DLEC1: variants seen among roughly 807,000 people sequenced by gnomAD.
DLEC1 encodes the protein deleted in lung and esophageal cancer protein 1.
In DLEC1, 146 loss-of-function variants were observed where a neutral mutation model predicts 198.1. The observed-to-expected ratio is 0.74, with a 90% CI of 0.64 to 0.85. The LOEUF (loss-of-function observed/expected upper bound fraction) is 0.85. Ranked by LOEUF, DLEC1 falls within the 40% of genes least tolerant of loss-of-function variation. DLEC1 has a pLI of 0.00. For synonymous variants in DLEC1, 897 were observed against 866.8 expected (o/e 1.03, Z -0.61); for missense variants, 2,233 against 2,220.0 (o/e 1.01, Z -0.12).
chr3:38,079,220 C>A (rs1350452011), intron 6 of DLEC1, among the ~76,000 whole-genome samples: 2 of 152,028 alleles, frequency 1.3e-5, no homozygotes, highest in Non-Finnish European at 2.9e-5. Flanking sequence ...GTCAGGGAAG[C>A]AGATAATTTA....
chr3:38,075,415 G>C (rs1697555881), intron 6 of DLEC1, among the ~76,000 whole-genome samples: 1 of 152,122 alleles, frequency 6.6e-6, no homozygotes, highest in Non-Finnish European at 1.5e-5. Context: ...AAGAAAATAA[G>C]GCATTTAGGT....
intron 6 of DLEC1, among the ~76,000 whole-genome samples, chr3:38,079,178 C>T (rs1406238088): frequency 1.3e-5 from 2 of 152,022 alleles, no homozygotes; most frequent in African/African-American, 4.8e-5. Context: ...GGAAGAAGGG[C>T]AGCAATGAGA....
At chr3:38,118,165 C>T (rs1441096861) in intron 33 of DLEC1, 141 bp downstream of exon 33, 10 of 915,738 alleles carry the variant, frequency 1.1e-5, no homozygotes, top group African/African-American at 1.0e-4. Context: ...CATGAACACT[C>T]GGGGGTGCAC....
intron 3 of DLEC1, among the ~76,000 whole-genome samples, chr3:38,061,089 T>A (rs958803016): frequency 6.6e-6 from 1 of 152,214 alleles, no homozygotes; most frequent in African/African-American, 2.4e-5. Context: ...TGCTAAGAGA[T>A]TTGTGATGGT....
chr3:38,108,948 G>A (rs1699714398), intron 21 of DLEC1, among the ~76,000 whole-genome samples: 1 of 152,224 alleles, frequency 6.6e-6, no homozygotes. Flanking sequence ...CTCAGTCATA[G>A]GGCCGTTCCT....
chr3:38,053,681 C>G (rs1054842139), intron 2 of DLEC1, among the ~76,000 whole-genome samples: 1 of 148,878 alleles, frequency 6.7e-6, no homozygotes, highest in Non-Finnish European at 1.5e-5. Flanking sequence ...AGCGGCCACC[C>G]CGTCTGGGAG....
chr3:38,111,617 C>T (rs1699881433), intron 23 of DLEC1, 60 bp from the exon 24 acceptor site: 1 of 1,571,924 alleles, frequency 6.4e-7, no homozygotes, highest in Non-Finnish European at 8.7e-7. Context: ...TAGAACCTGG[C>T]TCAGGTCTTG....
At chr3:38,065,384 G>A (rs866240891) in intron 6 of DLEC1, among the ~76,000 whole-genome samples, 2 of 148,008 alleles carry the variant, frequency 1.4e-5, no homozygotes, top group Admixed American at 6.6e-5. Context: ...GGGAGAGGGA[G>A]AGGGAGGAGA....
At chr3:38,050,042 G>C (rs1243647011) in intron 2 of DLEC1, among the ~76,000 whole-genome samples, 1 of 152,048 alleles carries the variant, frequency 6.6e-6, no homozygotes, top group Non-Finnish European at 1.5e-5. Flanking sequence ...TGATTGAGTG[G>C]CTGTGAGTTT....
chr3:38,102,418 C>T (rs1342501673), intron 19 of DLEC1, among the ~76,000 whole-genome samples: 1 of 152,216 alleles, frequency 6.6e-6, no homozygotes, highest in Non-Finnish European at 1.5e-5. Flanking sequence ...TTGCGTCTTT[C>T]CTTTTCTATA....
Position 38,096,729 on chromosome 3 carries a change from G to C in DLEC1, c.2332G>C (p.Ala778Pro). Reference sequence around the variant, plus strand: ...CTACATTGGGATAAATGTGAAGAAGGCTTTTAAGGTAGGTCATTGTCTCTC... The same window carrying C: ...CTACATTGGGATAAATGTGAAGAAGCCTTTTAAGGTAGGTCATTGTCTCTC... ...ENYIGINVKK[A>P]FKMWNNSKSP... is the part of the protein sequence containing the mutation. The change falls in exon 15 of 37, where the codon GCT becomes CCT. Residue 778 changes from alanine to proline, a missense_variant. Ala to Pro is a conservative substitution (Grantham distance 27). Transcript: ENST00000308059. 1.2e-6 allele frequency: 2 copies of C among 1,608,902 alleles called. No individual in the cohort carries two copies. The highest frequency in any genetic ancestry group is 1.7e-6 in the Non-Finnish European group (2 of 1,177,846).
chr3:38,091,301 A>T (rs1303279304), intron 10 of DLEC1, among the ~76,000 whole-genome samples: 1 of 152,034 alleles, frequency 6.6e-6, no homozygotes, highest in Non-Finnish European at 1.5e-5. Flanking sequence ...CCATCTCTAT[A>T]AAAAATTTAA....
chr3:38,116,947 A>G (rs1052362737), intron 29 of DLEC1, 28 bp from the exon 30 acceptor site: 1 of 1,613,128 alleles, frequency 6.2e-7, no homozygotes, highest in Non-Finnish European at 8.5e-7. Flanking sequence ...GGCATGGGAC[A>G]GTGCTAAGGC....
Position 38,053,904 on chromosome 3 carries a change from G to A in DLEC1, c.563-5838G>A, listed in dbSNP as rs867672346. ...AATCTATAACCTTACCCCCAACCCC[G>A]TGCTCTCTGAAACATGTGCTGTTTC... On this transcript the variant is annotated intron_variant, in intron 2 of 36. Transcript: ENST00000308059. Among the ~76,000 whole-genome samples the A allele has an allele frequency of 2.4e-4, 36 of 152,242 alleles. 1 individual carries two copies. Among genetic ancestry groups the A allele is most frequent in the Middle Eastern group, 3.4e-3 (1 of 294 alleles).
chr3:38,114,312 G>A, intron 25 of DLEC1, 30 bp from the exon 26 acceptor site: 2 of 1,609,436 alleles, frequency 1.2e-6, no homozygotes, highest in Non-Finnish European at 1.7e-6. Context: ...CCGGTGACAG[G>A]AGTGACAAAG....
intron 6 of DLEC1, among the ~76,000 whole-genome samples, chr3:38,082,089 G>A (rs1230093465): frequency 5.5e-5 from 8 of 146,456 alleles, no homozygotes; most frequent in Non-Finnish European, 7.5e-5. Context: ...CGGGGCGGCC[G>A]GGCAGAGACC....
chr3:38,090,055 G>A (rs923085872), intron 10 of DLEC1, among the ~76,000 whole-genome samples: 3 of 152,120 alleles, frequency 2.0e-5, no homozygotes, highest in African/African-American at 7.2e-5. Context: ...AAAGAGCCAG[G>A]TGTAGTGGCT....
chr3:38,107,475 AATATAGAT>A, intron 19 of DLEC1, 101 bp from the exon 20 acceptor site: 2 of 1,224,542 alleles, frequency 1.6e-6, no homozygotes, highest in East Asian at 5.5e-5. Flanking sequence ...AGTTTCTAAA[AATATAGAT>A]ACCTTGGGAT....
intron 6 of DLEC1, among the ~76,000 whole-genome samples, chr3:38,075,253 T>G (rs1697545594): frequency 6.6e-6 from 1 of 152,072 alleles, no homozygotes; most frequent in African/African-American, 2.4e-5. Context: ...GAACAAAGTG[T>G]GAAAAGTGCC....
Sources: allele counts gnomAD v4.1 joint callset (sites outside exome capture counted in the v4.1 genomes callset), GRCh38; gene constraint gnomAD v4.1.1; transcripts MANE v1.5; gene names NCBI Gene and HGNC (gene_info 2026-07-23, HGNC 2026-07-21).